The following ZNF2 variants were observed in gnomAD, a reference collection of about 807,000 sequenced individuals.
ZNF2 encodes zinc finger protein 2.2.
ZNF2 carries 12 observed loss-of-function variants against 21.9 expected under a neutral mutation model. The ratio of observed to expected loss-of-function variants is 0.55; its 90% CI spans 0.35 to 0.89. ZNF2 has a LOEUF of 0.89. Ranked by LOEUF, ZNF2 falls within the 40% of genes least tolerant of loss-of-function variation. The probability of loss-of-function intolerance (pLI) is 0.01; values close to 1 mark genes in which losing one functional copy is unlikely to be tolerated. For missense variants in ZNF2, 462 were observed against 544.2 expected, an observed-to-expected ratio of 0.85 and a Z score of 1.50; for synonymous variants, 186 against 196.3, an observed-to-expected ratio of 0.95 and a Z score of 0.44.
rs142924917 is a variant in ZNF2 at position 95,180,035 on chromosome 2, C to T, written c.161-124C>T. ...TCAGGCCACAGCATTCCAGCCTGGG[C>T]GACAGAGTGAGATGCTGTCTCAACA... On this transcript the variant is annotated intron_variant, in intron 3 of 4. Transcript: ENST00000614034. 2.5e-4 allele frequency: 167 copies of T among 662,544 alleles called. 1 individual carries two copies. The East Asian group carries it at 2.7e-3, about 11-fold the overall frequency. The allele number at this position is 662,544 out of a possible 1,614,324, so 41.0% of individuals were successfully genotyped here.
chr2:95,166,458 G>T (rs1674044940), intron 1 of ZNF2, among the ~76,000 whole-genome samples: 2 of 152,156 alleles, frequency 1.3e-5, no homozygotes, highest in South Asian at 4.1e-4. Context: ...GGGACTCAGA[G>T]AATCAGGACA....
At chr2:95,180,405 A>G in intron 4 of ZNF2, 133 bp downstream of exon 4, 1 of 610,366 alleles carries the variant, frequency 1.6e-6, no homozygotes, top group South Asian at 2.3e-5. Context: ...ATATCACCCA[A>G]TAGCTTTTAT....
At chr2:95,180,857 C>G (rs746733465) in intron 4 of ZNF2, among the ~76,000 whole-genome samples, 3 of 152,174 alleles carry the variant, frequency 2.0e-5, no homozygotes, top group Non-Finnish European at 4.4e-5. Flanking sequence ...TCGGCATGCT[C>G]TCCTGATTGT....
At chr2:95,178,488 A>T (rs1368399139) in intron 3 of ZNF2, among the ~76,000 whole-genome samples, 1 of 152,228 alleles carries the variant, frequency 6.6e-6, no homozygotes, top group East Asian at 1.9e-4. Flanking sequence ...TGAGGAAAAT[A>T]GAACCCCTGA....
intron 1 of ZNF2, among the ~76,000 whole-genome samples, chr2:95,173,257 A>G (rs2104500035): frequency 6.6e-6 from 1 of 152,146 alleles, no homozygotes; most frequent in East Asian, 1.9e-4. Context: ...TAATACACAT[A>G]TTCATATATA....
At chr2:95,177,333 T>A in intron 2 of ZNF2, 150 bp from the exon 3 acceptor site, 1 of 850,538 alleles carries the variant, frequency 1.2e-6, no homozygotes, top group African/African-American at 1.9e-5. Context: ...TGAGGCCACT[T>A]TTCCCAAATG....
Position 95,180,234 on chromosome 2 carries a change from G to A in ZNF2, c.236G>A (p.Gly79Glu). The change falls in exon 4 of 5, where the codon GGG becomes GAG. Residue 79 changes from glycine to glutamate, a missense_variant. Transcript: ENST00000614034. ...GDKPWMVDLH[G>E]SEEREWPESV... is the part of the protein sequence containing the mutation. ...AAGCCGTGGATGGTAGATCTTCATGGGTCTGAGGAGAGAGAATGGCCAGAG... is the reference window on the plus strand; with the variant it reads ...AAGCCGTGGATGGTAGATCTTCATGAGTCTGAGGAGAGAGAATGGCCAGAG... The A allele has an allele frequency of 6.2e-7, 1 of 1,614,024 alleles. No individual in the cohort carries two copies. The highest frequency in any genetic ancestry group is 8.5e-7 in the Non-Finnish European group (1 of 1,179,940).
intron 1 of ZNF2, among the ~76,000 whole-genome samples, chr2:95,173,565 A>G (rs1674350798): frequency 6.6e-6 from 1 of 152,248 alleles, no homozygotes; most frequent in Admixed American, 6.5e-5. Flanking sequence ...CAAAGCCTTA[A>G]TTTCCTAATC....
At chr2:95,166,806 A>G (rs1430084503) in intron 1 of ZNF2, among the ~76,000 whole-genome samples, 1 of 152,202 alleles carries the variant, frequency 6.6e-6, no homozygotes, top group African/African-American at 2.4e-5. Flanking sequence ...TAAAGCCAGG[A>G]AGAGGCGTTG....
At chr2:95,167,942 A>T (rs1674139390) in intron 1 of ZNF2, among the ~76,000 whole-genome samples, 1 of 152,152 alleles carries the variant, frequency 6.6e-6, no homozygotes, top group Non-Finnish European at 1.5e-5. Flanking sequence ...GTAAGTGGTA[A>T]CAGTGTGGAG....
At chr2:95,168,031 A>C (rs774030261) in intron 1 of ZNF2, among the ~76,000 whole-genome samples, 1 of 151,686 alleles carries the variant, frequency 6.6e-6, no homozygotes, top group East Asian at 1.9e-4. Context: ...GAAGGAGGTC[A>C]TGGGATTCAG....
In ZNF2 at chr2:95,180,206, G is replaced by C. The variant is rs780654699; in HGVS notation, c.208G>C (p.Asp70His). ...TGTGATTTTCCAATTGAAGAGAGGG[G>C]ACAAGCCGTGGATGGTAGATCTTCA... ...PDVIFQLKRG[D>H]KPWMVDLHGS... is the part of the protein sequence containing the mutation. The change falls in exon 4 of 5, where the codon GAC becomes CAC. Residue 70 changes from aspartate (D) to histidine (H), a missense_variant. Physicochemically the swap from Asp to His is moderately conservative, Grantham distance 81 (BLOSUM62 -1). Coordinates refer to ENST00000614034, the MANE Select transcript of ZNF2 (RefSeq NM_021088.4). 1.2e-5 allele frequency: 20 copies of C among 1,614,040 alleles called. No individual in the cohort carries two copies. The Admixed American group carries it at 1.3e-4, about 11-fold the overall frequency.
At chr2:95,179,839 C>G (rs555990474) in intron 3 of ZNF2, among the ~76,000 whole-genome samples, 1 of 152,318 alleles carries the variant, frequency 6.6e-6, no homozygotes, top group Non-Finnish European at 1.5e-5. Flanking sequence ...GGTGGATCAC[C>G]TGAGGTCAGG....
chr2:95,177,515 T>A lies in ZNF2; in HGVS notation c.66T>A (p.Val22=), dbSNP rs771750854. The part of the protein sequence containing the change: ...ESVTFEDVAV[V]FTDEEWSRLV... ...TGACATTCGAAGACGTTGCCGTGGT[T>A]TTCACAGATGAAGAGTGGAGTCGTC... The change falls in exon 3 of 5, where the codon GTT becomes GTA. Residue 22 remains valine, a synonymous_variant. Transcript: ENST00000614034. 6.2e-7 allele frequency: 1 copy of A among 1,614,142 alleles called. No homozygotes were observed. Among genetic ancestry groups the A allele is most frequent in the Non-Finnish European group, 8.5e-7 (1 of 1,180,016 alleles).
At position 95,183,730 on chromosome 2, in the gene ZNF2, C is replaced by G. The variant is rs1363867765; in HGVS notation, c.*1624C>G. The G allele has an allele frequency of 6.6e-6, 1 of 150,938 alleles. No individual in the cohort carries two copies. Among genetic ancestry groups the G allele is most frequent in the East Asian group, 2.0e-4 (1 of 5,110 alleles). 9.3% of individuals were successfully genotyped at this position (150,938 alleles called of 1,614,324 possible). A position where few individuals can be genotyped will look rare whatever the true frequency, so the allele number is the denominator to read the frequency against. The stretch of plus-strand genomic sequence containing the variant: ...CCGCCTCCCGGGTTCACGCCATTCT[C>G]CTGCCTCAGCCTCCCGAATAGCTGG... On this transcript the variant is annotated 3_prime_UTR_variant, in exon 5 of 5. Coordinates refer to ENST00000614034, the MANE Select transcript of ZNF2 (RefSeq NM_021088.4).
In ZNF2 at chr2:95,184,127, C is replaced by A. The variant is rs868276097; in HGVS notation, c.*2021C>A. On this transcript the variant is annotated 3_prime_UTR_variant, in exon 5 of 5. Transcript: ENST00000614034. ...GGATTCGAGAAGCTGAATTACCAAA[C>A]AGACCCTCCCCAACCTACTAACGAC... 2 of 152,246 alleles carry A rather than the reference C, an allele frequency of 1.3e-5. No individual in the cohort carries two copies. The highest frequency in any genetic ancestry group is 4.8e-5 in the African/African-American group (2 of 41,462). The allele number at this position is 152,246 out of a possible 1,614,324, so 9.4% of individuals were successfully genotyped here. A position where few individuals can be genotyped will look rare whatever the true frequency, so the allele number is the denominator to read the frequency against.
Position 95,181,694 on chromosome 2 carries a change from A to T in ZNF2, c.866A>T (p.Gln289Leu). The T allele has an allele frequency of 6.2e-7, 1 of 1,614,264 alleles. No homozygotes were observed. The highest frequency in any genetic ancestry group is 8.5e-7 in the Non-Finnish European group (1 of 1,180,044). ...GGAGAAAGTCCTTATGAATGTCATC[A>T]GTGTGGGAAAGCCTTTAGCCAGAAA... is the stretch of plus-strand genomic sequence containing the variant. ...HTGESPYECH[Q>L]CGKAFSQKSI... Residue 289 changes from glutamine (Q) to leucine (L), a missense_variant, in exon 5 of 5, where the codon CAG becomes CTG. Gln to Leu is a moderately radical substitution (Grantham distance 113, BLOSUM62 -2). Coordinates refer to ENST00000614034, the MANE Select transcript of ZNF2 (RefSeq NM_021088.4).
chr2:95,178,935 GA>G (rs981665832), intron 3 of ZNF2, among the ~76,000 whole-genome samples: 2 of 149,338 alleles, frequency 1.3e-5, no homozygotes, highest in Non-Finnish European at 3.0e-5. Flanking sequence ...TTTATTGTGT[GA>G]AAAAAAATCA....
chr2:95,167,595 C>T (rs1358760460), intron 1 of ZNF2, among the ~76,000 whole-genome samples: 1 of 151,444 alleles, frequency 6.6e-6, no homozygotes, highest in Non-Finnish European at 1.5e-5. Flanking sequence ...TGCCTGTAAT[C>T]CCAGCACTTT....
Sources: allele counts gnomAD v4.1 joint callset (sites outside exome capture counted in the v4.1 genomes callset), GRCh38; gene constraint gnomAD v4.1.1; transcripts MANE v1.5; gene names NCBI Gene and HGNC (gene_info 2026-07-23, HGNC 2026-07-21).